The following USO1 variants were observed in gnomAD, a reference collection of about 807,000 sequenced individuals.
USO1 encodes the protein USO1 vesicle transport factor.
USO1 carries 57 observed loss-of-function variants against 124.5 expected under a neutral mutation model. That is an observed-to-expected ratio of 0.46 (90% CI 0.37 to 0.57). The LOEUF (loss-of-function observed/expected upper bound fraction) is 0.57. Among genes scored for constraint, USO1 ranks in the 20% least tolerant of loss-of-function variants. USO1 has a pLI of 0.00. For missense variants in USO1, 900 were observed against 1,040.6 expected (o/e 0.86, Z 1.86); for synonymous variants, 369 against 362.8 (o/e 1.02, Z -0.19).
intron 4 of USO1, among the ~76,000 whole-genome samples, chr4:75,759,971 G>A (rs556869401): frequency 5.9e-5 from 9 of 151,392 alleles, no homozygotes; most frequent in Non-Finnish European, 1.3e-4. Flanking sequence ...CAGCACTTTG[G>A]GAGGCCAAGG....
intron 1 of USO1, among the ~76,000 whole-genome samples, chr4:75,751,844 T>A (rs1312484831): frequency 3.1e-4 from 47 of 149,596 alleles, no homozygotes; most frequent in Non-Finnish European, 6.3e-4. Context: ...AAAAAAAAAA[T>A]TTTTTTTTTG....
In USO1 at chr4:75,787,068, C is replaced by T. The variant is rs370383563; in HGVS notation, c.862C>T (p.Arg288Cys). 17 of 1,575,248 alleles carry T rather than the reference C, an allele frequency of 1.1e-5. No homozygotes were observed. Among genetic ancestry groups the T allele is most frequent in the Non-Finnish European group, 1.2e-5 (14 of 1,167,528 alleles). Residue 288 changes from arginine (R) to cysteine (C), a missense_variant, in exon 10 of 24, where the codon CGT becomes TGT. Physicochemically the swap from Arg to Cys is radical, Grantham distance 180. This residue lies in a region of USO1 where 538 missense variants were observed against 681.6 expected (regional missense o/e 0.79). Coordinates refer to ENST00000514213, the MANE Select transcript of USO1 (RefSeq NM_003715.4). ...TTTTCTCTTTCTTTCACAGCTTGTT[C>T]GTGTATTGGTATCTCCCACCAACCC... ...TNLHLMLQLVRVLVSPTNPPG... is the reference protein window; with the variant it reads ...TNLHLMLQLVCVLVSPTNPPG...
chr4:75,765,902 T>C (rs144669755), intron 4 of USO1, among the ~76,000 whole-genome samples: 4 of 152,334 alleles, frequency 2.6e-5, no homozygotes, highest in African/African-American at 9.6e-5. Flanking sequence ...CTTCACTTAA[T>C]ACCCTCAGTA....
intron 1 of USO1, among the ~76,000 whole-genome samples, chr4:75,726,275 C>G (rs1399056057): frequency 2.6e-5 from 3 of 117,002 alleles, no homozygotes; most frequent in African/African-American, 1.2e-4. Flanking sequence ...GAGCGAAACT[C>G]TGTCTCAAAA....
intron 17 of USO1, among the ~76,000 whole-genome samples, chr4:75,802,019 ATGTTGGCTGGTGT>A (rs1464531826): frequency 2.0e-5 from 3 of 152,174 alleles, no homozygotes; most frequent in African/African-American, 7.2e-5. Flanking sequence ...AGGTTTCACC[ATGTTGGCTGGTGT>A]TGATCTCCTG....
chr4:75,790,911 G>GAA (rs371799085), intron 12 of USO1, 114 bp downstream of exon 12: 5,939 of 920,978 alleles, frequency 6.4e-3, no homozygotes, highest in Middle Eastern at 0.011. Flanking sequence ...GCTTAGGAGA[G>GAA]AAAAAAAAAA....
Position 75,787,213 on chromosome 4 carries a change from T to C in USO1, c.996+11T>C. 6.7e-7 allele frequency: 1 copy of C among 1,498,342 alleles called. No individual in the cohort carries two copies. The highest frequency in any genetic ancestry group is 8.9e-7 in the Non-Finnish European group (1 of 1,126,082). 92.8% of individuals were successfully genotyped at this position (1,498,342 alleles called of 1,614,324 possible). ...GATATCCTGACTGAGGTAAAGCAAA[T>C]GAAGTCAAAGCCAACTCTGTGGAAG... On this transcript the variant is annotated intron_variant, in intron 10 of 23. Coordinates refer to ENST00000514213, the MANE Select transcript of USO1 (RefSeq NM_003715.4).
In USO1 at chr4:75,813,997, A is replaced by G. The variant is rs1203599940; in HGVS notation, c.*702A>G. ...GTTTTAAGCTAAACATCTAAAACAA[A>G]TTTCAAGTTAACAGTTCATACAACT... On this transcript the variant is annotated 3_prime_UTR_variant, in exon 24 of 24. Coordinates refer to ENST00000514213, the MANE Select transcript of USO1 (RefSeq NM_003715.4). The G allele has an allele frequency of 2.0e-5, 3 of 152,234 alleles. No homozygotes were observed. Among genetic ancestry groups the G allele is most frequent in the Non-Finnish European group, 2.9e-5 (2 of 68,046 alleles). The allele number at this position is 152,234 out of a possible 1,614,324, so 9.4% of individuals were successfully genotyped here.
Position 75,805,122 on chromosome 4 carries a change from G to T in USO1, c.2126-18G>T. 2 of 1,544,654 alleles carry T rather than the reference G, an allele frequency of 1.3e-6. No individual in the cohort carries two copies. The highest frequency in any genetic ancestry group is 1.7e-6 in the Non-Finnish European group (2 of 1,149,378). On this transcript the variant is annotated intron_variant, in intron 18 of 23. Transcript: ENST00000514213. The stretch of plus-strand genomic sequence containing the variant: ...GAAGTTTCCCGTTGGCTTTTAAAAT[G>T]TTATGTCTGTCTAACAGGAAAAGAC...
At chr4:75,773,535 T>G (rs375557137) in intron 7 of USO1, among the ~76,000 whole-genome samples, 1 of 152,200 alleles carries the variant, frequency 6.6e-6, no homozygotes, top group Non-Finnish European at 1.5e-5. Context: ...TTTTATTTTT[T>G]TATTTCATTA....
intron 3 of USO1, among the ~76,000 whole-genome samples, chr4:75,754,326 G>A (rs1029709128): frequency 2.0e-5 from 3 of 149,680 alleles, no homozygotes; most frequent in South Asian, 2.1e-4. Context: ...CAGGTGATCC[G>A]CCCACCTCAG....
At chr4:75,804,922 A>G (rs1722950383) in intron 18 of USO1, 2 of 430,152 alleles carry the variant, frequency 4.6e-6, no homozygotes, top group Admixed American at 4.4e-5. Context: ...CAGACCATGC[A>G]GTTTAGTCAA....
At chr4:75,778,389 G>C (rs1722130471) in intron 8 of USO1, among the ~76,000 whole-genome samples, 1 of 152,150 alleles carries the variant, frequency 6.6e-6, no homozygotes, top group African/African-American at 2.4e-5. Context: ...TTATCATAAA[G>C]GTCTTCATCC....
chr4:75,733,271 A>T (rs180900358), intron 1 of USO1, among the ~76,000 whole-genome samples: 2,048 of 152,010 alleles, frequency 0.013, 14 homozygotes, highest in Middle Eastern at 0.041. Flanking sequence ...AAAAAAAATT[A>T]AAAAAAATAA....
chr4:75,747,489 G>T (rs1407493282), intron 1 of USO1, among the ~76,000 whole-genome samples: 4 of 151,866 alleles, frequency 2.6e-5, no homozygotes, highest in African/African-American at 9.7e-5. Context: ...TGCCCAGGCT[G>T]GGCTTGAGTT....
chr4:75,797,889 C>T (rs1200125717), intron 13 of USO1, among the ~76,000 whole-genome samples: 1 of 152,092 alleles, frequency 6.6e-6, no homozygotes, highest in African/African-American at 2.4e-5. Flanking sequence ...TGATCCAACG[C>T]ACCTCAGCCT....
intron 4 of USO1, among the ~76,000 whole-genome samples, chr4:75,763,829 A>G (rs906870878): frequency 2.0e-5 from 3 of 152,134 alleles, no homozygotes; most frequent in African/African-American, 7.2e-5. Context: ...GCTTACACGT[A>G]TAATTGGTAT....
rs574712912 is a variant in USO1, at chr4:75,757,055, A to G, written c.219-442A>G. 4.6e-5 allele frequency among the ~76,000 whole-genome samples: 7 copies of G among 152,106 alleles called. No homozygotes were observed. In the South Asian group the frequency reaches 1.5e-3, roughly 32 times the overall value. ...AAAGTTGTACTTATTTTGTAAATTT[A>G]TAATGTTTTAAAATATGCATAGATA... is the stretch of plus-strand genomic sequence containing the variant. On this transcript the variant is annotated intron_variant, in intron 3 of 23. Coordinates refer to ENST00000514213, the MANE Select transcript of USO1 (RefSeq NM_003715.4).
intron 11 of USO1, 48 bp downstream of exon 11, chr4:75,790,286 G>C: frequency 5.8e-6 from 9 of 1,550,614 alleles, no homozygotes; most frequent in Non-Finnish European, 7.8e-6. Flanking sequence ...TAAAAACTTT[G>C]GGTTGTTAAT....
Sources: gnomAD v4.1 joint callset for allele counts (sites outside exome capture counted in the v4.1 genomes callset) on GRCh38, gnomAD v4.1.1 for gene constraint, gnomAD v4.1.1 regional missense constraint, MANE v1.5 for transcripts, NCBI Gene and HGNC (gene_info 2026-07-23, HGNC 2026-07-21) for gene names.